Variants in TBC1D30 observed in about 807,000 individuals in gnomAD.
TBC1D30 encodes TBC1 domain family, member 30.
TBC1D30 carries 31 observed loss-of-function variants against 63.2 expected under a neutral mutation model. The ratio of observed to expected loss-of-function variants is 0.49; its 90% CI spans 0.37 to 0.66. The LOEUF is 0.66. Ranked by LOEUF, TBC1D30 falls within the 30% of genes least tolerant of loss-of-function variation. The pLI, the probability that TBC1D30 is intolerant of heterozygous loss-of-function variation, is 0.00. For synonymous variants in TBC1D30, 307 were observed against 361.5 expected (o/e 0.85, Z 1.71); for missense variants, 810 against 953.6 (o/e 0.85, Z 1.98).
chr12:64,769,714 G>A (rs1358691863), intron 1 of TBC1D30, among the ~76,000 whole-genome samples: 1 of 151,612 alleles, frequency 6.6e-6, no homozygotes, highest in Non-Finnish European at 1.5e-5. Flanking sequence ...TAAAGACAGG[G>A]TTTCACCATG....
In TBC1D30 at chr12:64,875,028, C is replaced by T. The variant is rs777603370; in HGVS notation, c.1526C>T (p.Pro509Leu). Residue 509 changes from proline to leucine, a missense_variant, in exon 12 of 12, where the codon CCG becomes CTG. By Grantham distance (98) the Pro-to-Leu change is moderately conservative. Around this residue, in one of 4 missense-constraint regions of TBC1D30, gnomAD observed 450 missense variants for 473.0 expected, o/e 0.95. Transcript: ENST00000539867. ...ADKGPVTSIL[P>L]SQVNSSPVIN... is the part of the protein sequence containing the mutation. ...AAAGGGCCAGTGACCAGCATTCTCC[C>T]GTCTCAGGTAAACAGTTCTCCAGTT... The T allele has an allele frequency of 1.4e-5, 22 of 1,536,474 alleles. No homozygotes were observed. The highest frequency in any genetic ancestry group is 2.7e-5 in the African/African-American group (2 of 73,014).
chr12:64,851,101 G>A (rs1044835673), intron 8 of TBC1D30, among the ~76,000 whole-genome samples: 5 of 152,038 alleles, frequency 3.3e-5, no homozygotes, highest in Non-Finnish European at 7.4e-5. Context: ...GTGTTTCTGC[G>A]GGATCAGTGA....
intron 2 of TBC1D30, among the ~76,000 whole-genome samples, chr12:64,789,837 G>A (rs1871823117): frequency 6.6e-6 from 1 of 152,140 alleles, no homozygotes; most frequent in South Asian, 2.1e-4. Flanking sequence ...ATTTAATACT[G>A]AAAATTGATA....
rs139140861 is a variant in TBC1D30, at chr12:64,775,322, A to G, written c.-375-10559A>G. On this transcript the variant is annotated intron_variant, in intron 1 of 13. Coordinates refer to the TBC1D30 transcript ENST00000674237. ...TAAATGGGCTAAATGCCCAATTAAA[A>G]GACACAGAATGGCAAGTTGGATAAA... Among the ~76,000 whole-genome samples the G allele has an allele frequency of 7.6e-3, 1,157 of 152,276 alleles. 16 individuals carry two copies. The highest frequency in any genetic ancestry group is 0.026 in the African/African-American group (1,076 of 41,544).
intron 11 of TBC1D30, among the ~76,000 whole-genome samples, chr12:64,872,889 C>T (rs913329410): frequency 6.6e-6 from 1 of 152,158 alleles, no homozygotes; most frequent in African/African-American, 2.4e-5. Flanking sequence ...GAGACTTCTG[C>T]ACTATCATGA....
chr12:64,838,720 G>A lies in TBC1D30; in HGVS notation c.801G>A (p.Met267Ile). The A allele has an allele frequency of 6.5e-7, 1 of 1,536,588 alleles. No homozygotes were observed. Among genetic ancestry groups the A allele is most frequent in the Non-Finnish European group, 8.7e-7 (1 of 1,147,022 alleles). The stretch of plus-strand genomic sequence containing the variant: ...CCCCACTTACAAATGTCTTCACGAT[G>A]CAGTGGTTTCTGACTCTCTTTGCCA... ...YEPPLTNVFTMQWFLTLFATC... is the reference protein window; with the variant it reads ...YEPPLTNVFTIQWFLTLFATC... The change falls in exon 7 of 12, where the codon ATG becomes ATA. Residue 267 changes from methionine to isoleucine, a missense_variant. Physicochemically the swap from Met to Ile is conservative, Grantham distance 10 (BLOSUM62 1). Coordinates refer to ENST00000539867, the MANE Select transcript of TBC1D30 (RefSeq NM_015279.2).
chr12:64,803,911 A>G (rs1834368636), intron 2 of TBC1D30, among the ~76,000 whole-genome samples: 1 of 152,176 alleles, frequency 6.6e-6, no homozygotes, highest in African/African-American at 2.4e-5. Flanking sequence ...GCTGTATAGT[A>G]TAGTTTGAAG....
intron 2 of TBC1D30, among the ~76,000 whole-genome samples, chr12:64,816,067 C>T (rs1873513834): frequency 1.3e-5 from 2 of 148,660 alleles, no homozygotes; most frequent in African/African-American, 5.0e-5. Flanking sequence ...GAGTCTCGCT[C>T]TGTTGCCCAG....
chr12:64,775,054 C>G (rs1369860754), intron 1 of TBC1D30, among the ~76,000 whole-genome samples: 1 of 151,314 alleles, frequency 6.6e-6, no homozygotes, highest in African/African-American at 2.4e-5. Flanking sequence ...GATTGCACCA[C>G]TGCATTCCAG....
At chr12:64,796,757 A>G (rs779545056) in intron 2 of TBC1D30, among the ~76,000 whole-genome samples, 1 of 152,150 alleles carries the variant, frequency 6.6e-6, no homozygotes, top group East Asian at 1.9e-4. Flanking sequence ...TGTGTTTACT[A>G]TTTCCCACAC....
At chr12:64,863,675 G>A (rs7973965) in intron 8 of TBC1D30, among the ~76,000 whole-genome samples, 6,504 of 152,106 alleles carry the variant, frequency 0.043, 452 homozygotes, top group African/African-American at 0.15. Context: ...AAATTACAGG[G>A]GACTGTCACA....
intron 5 of TBC1D30, among the ~76,000 whole-genome samples, chr12:64,835,960 C>T (rs1314902184): frequency 6.6e-6 from 1 of 152,176 alleles, no homozygotes; most frequent in Non-Finnish European, 1.5e-5. Flanking sequence ...TTTGTTCAAG[C>T]AAAGCATAGT....
intron 10 of TBC1D30, among the ~76,000 whole-genome samples, chr12:64,867,129 T>C (rs563800928): frequency 2.0e-5 from 3 of 151,960 alleles, no homozygotes; most frequent in Non-Finnish European, 4.4e-5. Context: ...CTGAGCAACA[T>C]AGGGAGACCC....
chr12:64,864,657 T>G lies in TBC1D30; in HGVS notation c.1039-11T>G. ...TGTTTCAGACTTGGCATTTTTGCTT[T>G]TGTTTTACAGACTGTTTATTCCATG... On this transcript the variant is annotated splice_polypyrimidine_tract_variant and intron_variant, in intron 8 of 11. Transcript: ENST00000539867. 1 of 1,532,256 alleles carries G rather than the reference T, an allele frequency of 6.5e-7. No individual in the cohort carries two copies. The highest frequency in any genetic ancestry group is 8.7e-7 in the Non-Finnish European group (1 of 1,143,112). 94.9% of individuals were successfully genotyped at this position (1,532,256 alleles called of 1,614,324 possible).
chr12:64,816,191 C>T (rs372710279), intron 2 of TBC1D30, among the ~76,000 whole-genome samples: 2 of 152,052 alleles, frequency 1.3e-5, no homozygotes, highest in East Asian at 1.9e-4. Flanking sequence ...CACCACCACA[C>T]CTGGCTAATT....
intron 2 of TBC1D30, among the ~76,000 whole-genome samples, 159 bp downstream of exon 2, chr12:64,828,055 T>C (rs1403087306): frequency 6.6e-6 from 1 of 152,230 alleles, no homozygotes; most frequent in Non-Finnish European, 1.5e-5. Context: ...ACAAGTGGCC[T>C]GGGTTTATAT....
intron 7 of TBC1D30, among the ~76,000 whole-genome samples, chr12:64,842,023 C>T (rs1254740924): frequency 6.6e-6 from 1 of 151,532 alleles, no homozygotes; most frequent in Admixed American, 6.6e-5. Context: ...TGGTGGGAAA[C>T]TAGAGTTATC....
At chr12:64,843,546 G>T in intron 8 of TBC1D30, 61 bp downstream of exon 8, 1 of 1,279,496 alleles carries the variant, frequency 7.8e-7, no homozygotes, top group Non-Finnish European at 1.1e-6. Context: ...GGAACAACCA[G>T]TGCCAGAGCA....
intron 2 of TBC1D30, among the ~76,000 whole-genome samples, chr12:64,799,910 G>T (rs1872505217): frequency 6.6e-6 from 1 of 152,178 alleles, no homozygotes; most frequent in African/African-American, 2.4e-5. Context: ...TTCCAGACCA[G>T]CCTGGCCAAC....
Sources: allele counts gnomAD v4.1 joint callset (sites outside exome capture counted in the v4.1 genomes callset), GRCh38; gene constraint gnomAD v4.1.1; regional missense constraint gnomAD v4.1.1; transcripts MANE v1.5; gene names NCBI Gene and HGNC (gene_info 2026-07-23, HGNC 2026-07-21).